The following SAMMSON variants were observed in gnomAD, a reference collection of about 807,000 sequenced individuals.
SAMMSON encodes long intergenic non-protein coding RNA 1212.
chr3:70,028,129 CCCTT>C (rs1408147200), intron 3 of SAMMSON, among the ~76,000 whole-genome samples: 1 of 139,624 alleles, frequency 7.2e-6, no homozygotes, highest in Non-Finnish European at 1.5e-5. Flanking sequence ...TTCCTTCCGT[CCCTT>C]CCTTCCTTCT....
chr3:70,374,152 G>T (rs1315268470), intron 9 of SAMMSON, among the ~76,000 whole-genome samples: 2 of 152,138 alleles, frequency 1.3e-5, no homozygotes, highest in Non-Finnish European at 2.9e-5. Context: ...GACCTCAGGG[G>T]ACTTGCCCAC....
chr3:70,183,445 G>C (rs1458727509), intron 4 of SAMMSON: 4 of 152,150 alleles, frequency 2.6e-5, no homozygotes, highest in African/African-American at 9.7e-5. Flanking sequence ...TTTCTAAACA[G>C]AGGAATTGTT....
At chr3:70,051,318 T>C (rs548889130) in intron 3 of SAMMSON, among the ~76,000 whole-genome samples, 1 of 150,748 alleles carries the variant, frequency 6.6e-6, no homozygotes, top group African/African-American at 2.4e-5. Context: ...TTAAACAACA[T>C]AGTTCAAGAT....
chr3:70,173,169 T>G (rs2106700826), intron 4 of SAMMSON, among the ~76,000 whole-genome samples: 1 of 152,092 alleles, frequency 6.6e-6, no homozygotes, highest in South Asian at 2.1e-4. Flanking sequence ...ATAGAGATAT[T>G]ATTACCCTAT....
intron 2 of SAMMSON, among the ~76,000 whole-genome samples, chr3:70,427,366 G>C (rs1012603873): frequency 1.3e-5 from 2 of 152,164 alleles, no homozygotes; most frequent in Non-Finnish European, 2.9e-5. Flanking sequence ...TTTCTTCCAT[G>C]TTATCTCACT....
At chr3:70,312,532 A>T (rs377460789) in intron 7 of SAMMSON, 9 of 152,208 alleles carry the variant, frequency 5.9e-5, no homozygotes, top group African/African-American at 1.7e-4. Flanking sequence ...TGCTTGAATC[A>T]GCACTGCAAG....
chr3:70,369,083 A>G (rs1287785260), intron 9 of SAMMSON, among the ~76,000 whole-genome samples: 1 of 151,514 alleles, frequency 6.6e-6, no homozygotes, highest in East Asian at 1.9e-4. Flanking sequence ...TTTATACCTC[A>G]GTATTTTATT....
intron 4 of SAMMSON, chr3:70,125,344 C>A (rs2067452417): frequency 1.4e-6 from 2 of 1,454,788 alleles, no homozygotes; most frequent in Admixed American, 2.0e-5. Context: ...TAGCTAAATT[C>A]TTTACATAAA....
intron 2 of SAMMSON, among the ~76,000 whole-genome samples, chr3:70,396,291 G>T (rs1473895744): frequency 1.3e-5 from 2 of 152,086 alleles, no homozygotes; most frequent in Non-Finnish European, 2.9e-5. Flanking sequence ...ACAATAAAGG[G>T]CTAGGTCAAT....
At chr3:70,287,927 C>A (rs1407187053) in intron 6 of SAMMSON, among the ~76,000 whole-genome samples, 1 of 152,014 alleles carries the variant, frequency 6.6e-6, no homozygotes, top group East Asian at 1.9e-4. Context: ...TTTTTTATTG[C>A]GTCTATTTGA....
chr3:70,043,929 AGTT>A (rs1390776109), intron 3 of SAMMSON, among the ~76,000 whole-genome samples: 2 of 152,096 alleles, frequency 1.3e-5, no homozygotes, highest in Non-Finnish European at 2.9e-5. Flanking sequence ...ATCTAACAAA[AGTT>A]AAAGTGAACA....
chr3:70,285,832 G>GT (rs769282206), intron 6 of SAMMSON, among the ~76,000 whole-genome samples: 36 of 152,100 alleles, frequency 2.4e-4, no homozygotes, highest in Non-Finnish European at 4.4e-4. Context: ...TTAATCATGT[G>GT]TTTTTTGGCT....
At chr3:70,415,359 A>T (rs1397004738) in intron 2 of SAMMSON, among the ~76,000 whole-genome samples, 13 of 150,652 alleles carry the variant, frequency 8.6e-5, no homozygotes, top group Non-Finnish European at 1.0e-4. Flanking sequence ...TGCTGTGAAT[A>T]AAAAAAAAAT....
intron 6 of SAMMSON, among the ~76,000 whole-genome samples, chr3:70,257,520 G>C (rs564732157): frequency 1.3e-5 from 2 of 152,054 alleles, no homozygotes; most frequent in African/African-American, 4.8e-5. Context: ...AAGGAAGGGA[G>C]GGAGAACTGG....
At chr3:70,163,349 A>G (rs1044736827) in intron 4 of SAMMSON, among the ~76,000 whole-genome samples, 1 of 147,552 alleles carries the variant, frequency 6.8e-6, no homozygotes, top group Non-Finnish European at 1.5e-5. Context: ...TAGAATATAT[A>G]TATATAGAGA....
chr3:70,033,979 C>T (rs2067075197), intron 3 of SAMMSON, among the ~76,000 whole-genome samples: 1 of 152,048 alleles, frequency 6.6e-6, no homozygotes, highest in South Asian at 2.1e-4. Context: ...CTCCTATGAG[C>T]TATCCCAGTA....
At chr3:70,042,160 C>G (rs748002871) in intron 3 of SAMMSON, among the ~76,000 whole-genome samples, 10 of 152,022 alleles carry the variant, frequency 6.6e-5, no homozygotes, top group Non-Finnish European at 1.5e-4. Context: ...TTCAAATGAG[C>G]AGTTTAGGAA....
intron 3 of SAMMSON, chr3:70,030,587 A>G (rs1337100736): frequency 2.0e-5 from 3 of 152,316 alleles, no homozygotes; most frequent in South Asian, 2.1e-4. Flanking sequence ...TTTTTCAAAT[A>G]AGGAAACTGA....
At chr3:70,304,445 G>A (rs573719109) in intron 7 of SAMMSON, among the ~76,000 whole-genome samples, 16 of 152,224 alleles carry the variant, frequency 1.1e-4, no homozygotes, top group Middle Eastern at 3.4e-3. Context: ...CATTTCACAA[G>A]TAACCTGCTC....
Sources: allele counts gnomAD v4.1 joint callset (sites outside exome capture counted in the v4.1 genomes callset), GRCh38; gene constraint gnomAD v4.1.1; transcripts MANE v1.5; gene names NCBI Gene and HGNC (gene_info 2026-07-23, HGNC 2026-07-21).